The following OGFOD1 variants were observed in gnomAD, a reference collection of about 807,000 sequenced individuals.
OGFOD1 encodes the protein 2-oxoglutarate and iron dependent oxygenase domain containing 1.
In OGFOD1, 54 loss-of-function variants were observed where a neutral mutation model predicts 67.7. The observed-to-expected ratio is 0.80, with a 90% CI of 0.64 to 1.00. The LOEUF is 1.00. Among genes scored for constraint, OGFOD1 ranks in the 50% least tolerant of loss-of-function variants. The probability of loss-of-function intolerance (pLI) is 0.00; values close to 1 mark genes in which losing one functional copy is unlikely to be tolerated. For synonymous variants in OGFOD1, 221 were observed against 227.0 expected, an observed-to-expected ratio of 0.97 and a Z score of 0.24; for missense variants, 606 against 646.7, an observed-to-expected ratio of 0.94 and a Z score of 0.68.
At chr16:56,479,103 A>AAT (rs1963595378) in exon 13 of OGFOD1, 2 of 152,304 alleles carry the variant, frequency 1.3e-5, no homozygotes, top group Admixed American at 1.3e-4. Flanking sequence ...TCACCTGTAA[A>AAT]ATATATGGTT....
intron 7 of OGFOD1, among the ~76,000 whole-genome samples, 170 bp from the exon 8 acceptor site, chr16:56,467,730 ACTTTT>A (rs1567551370): frequency 6.6e-6 from 1 of 152,038 alleles, no homozygotes; most frequent in Non-Finnish European, 1.5e-5. Context: ...CCCGGCCTAC[ACTTTT>A]CTTAAGTAAA....
Position 56,478,291 on chromosome 16 carries a change from T to C in OGFOD1, c.*2086T>C, listed in dbSNP as rs1287303212. ...CTCCTGCCTCAGCCTCCTAAGTAGC[T>C]GGGATTACAGGCACCTGCCTCCATA... On this transcript the variant is annotated 3_prime_UTR_variant, in exon 13 of 13. Coordinates refer to ENST00000566157, the MANE Select transcript of OGFOD1 (RefSeq NM_018233.4). The C allele has an allele frequency of 2.6e-5, 4 of 152,222 alleles. No individual in the cohort carries two copies. Among genetic ancestry groups the C allele is most frequent in the East Asian group, 3.9e-4 (2 of 5,190 alleles). 9.4% of individuals were successfully genotyped at this position (152,222 alleles called of 1,614,324 possible). A position where few individuals can be genotyped will look rare whatever the true frequency, so the allele number is the denominator to read the frequency against.
intron 3 of OGFOD1, 95 bp from the exon 4 acceptor site, chr16:56,462,439 T>G: frequency 1.4e-6 from 1 of 712,748 alleles, no homozygotes; most frequent in Non-Finnish European, 2.6e-6. Context: ...TACAATGTGA[T>G]CTCCAGGAAA....
At chr16:56,467,846 A>G in intron 7 of OGFOD1, 59 bp from the exon 8 acceptor site, 1 of 835,074 alleles carries the variant, frequency 1.2e-6, no homozygotes, top group Admixed American at 1.7e-5. Context: ...GAAATGATGT[A>G]AGAGCAAAAG....
intron 12 of OGFOD1, 71 bp downstream of exon 12, chr16:56,475,636 T>G (rs1963435916): frequency 9.7e-6 from 12 of 1,240,474 alleles, no homozygotes; most frequent in Non-Finnish European, 1.4e-5. Context: ...AAGACCCAAT[T>G]TTTATGACCT....
chr16:56,475,757 T>C (rs558003652), intron 12 of OGFOD1, among the ~76,000 whole-genome samples, 192 bp downstream of exon 12: 2 of 152,330 alleles, frequency 1.3e-5, no homozygotes, highest in South Asian at 4.1e-4. Context: ...AAGCATTTAT[T>C]TTACCCTCCT....
rs1489509748 is a variant in OGFOD1, at chr16:56,461,869, G to T, written c.348-665G>T. Among the ~76,000 whole-genome samples, 6 of 152,238 alleles carry T rather than the reference G, an allele frequency of 3.9e-5. No homozygotes were observed. The East Asian group carries it at 1.2e-3, about 29-fold the overall frequency. ...CCAGCACTGGAGGCCGAGGCAGGCG[G>T]ATCACTTGAGGTCAGGAGTTGGAGA... On this transcript the variant is annotated intron_variant, in intron 3 of 12. Transcript: ENST00000566157.
intron 8 of OGFOD1, among the ~76,000 whole-genome samples, chr16:56,468,298 T>TAAC (rs768567770): frequency 1.6e-4 from 25 of 152,348 alleles, no homozygotes; most frequent in Non-Finnish European, 3.1e-4. Context: ...TTGTGTGTAG[T>TAAC]TACCTTTCTA....
At chr16:56,462,293 C>T (rs1198083810) in intron 3 of OGFOD1, among the ~76,000 whole-genome samples, 1 of 152,008 alleles carries the variant, frequency 6.6e-6, no homozygotes, top group East Asian at 1.9e-4. Context: ...ACCATTAGAA[C>T]AAAAAATAAC....
At chr16:56,464,123 A>G (rs1962817826) in intron 4 of OGFOD1, among the ~76,000 whole-genome samples, 1 of 152,194 alleles carries the variant, frequency 6.6e-6, no homozygotes, top group African/African-American at 2.4e-5. Flanking sequence ...TTGAAGATGT[A>G]CAGATGAGTT....
rs918784 is a variant in OGFOD1, at chr16:56,478,857, A to G, written c.*2652A>G. On this transcript the variant is annotated 3_prime_UTR_variant, in exon 13 of 13. Transcript: ENST00000566157. ...CAACTCTGATGTTGCTGTCAGTTAC[A>G]TCATCTACAGCAGCACCTCTTAGAT... 25,578 of 152,178 alleles carry G rather than the reference A, an allele frequency of 0.17. 2,319 individuals are homozygous for G. Among genetic ancestry groups the G allele is most frequent in the East Asian group, 0.27 (1,398 of 5,164 alleles). The allele number at this position is 152,178 out of a possible 1,614,324, so 9.4% of individuals were successfully genotyped here.
chr16:56,475,970 G>C (rs1190501212), intron 12 of OGFOD1, 74 bp from the exon 13 acceptor site: 2 of 1,323,518 alleles, frequency 1.5e-6, no homozygotes, highest in African/African-American at 2.9e-5. Flanking sequence ...GAAACCATCT[G>C]TTCCATGGTT....
At chr16:56,458,279 G>T in intron 2 of OGFOD1, 2 of 423,978 alleles carry the variant, frequency 4.7e-6, no homozygotes, top group Non-Finnish European at 8.6e-6. Flanking sequence ...TGCTTTTTGT[G>T]TCTGTTGTCT....
chr16:56,472,312 G>A (rs1167586027), intron 10 of OGFOD1, among the ~76,000 whole-genome samples: 4 of 151,980 alleles, frequency 2.6e-5, no homozygotes, highest in Non-Finnish European at 2.9e-5. Flanking sequence ...TCATTTTTAC[G>A]GGAACCTGCA....
At chr16:56,466,122 G>T in intron 4 of OGFOD1, 30 bp from the exon 5 acceptor site, 2 of 1,512,018 alleles carry the variant, frequency 1.3e-6, no homozygotes, top group South Asian at 2.2e-5. Flanking sequence ...CTATCTGCAG[G>T]GATCTAAGGT....
intron 3 of OGFOD1, among the ~76,000 whole-genome samples, chr16:56,459,886 T>G (rs755672191): frequency 1.3e-5 from 2 of 152,228 alleles, no homozygotes; most frequent in Non-Finnish European, 2.9e-5. Context: ...ACAGATTTTT[T>G]TTTAATAGTT....
chr16:56,474,866 TG>T lies in OGFOD1; in HGVS notation c.1326del (p.Trp442Ter). On this transcript the variant is annotated frameshift_variant, in exon 11 of 13. Transcript: ENST00000566157. LOFTEE classifies it high-confidence loss of function. ...VPMCQGELRH[W>X]KTGHYTLIHD... Reference sequence around the variant, plus strand: ...CATGTGCCAAGGGGAACTGAGGCATTGGAAGACCGGTCACTACACTTTAATT... The same window carrying T: ...CATGTGCCAAGGGGAACTGAGGCATTGAAGACCGGTCACTACACTTTAATT... 6.2e-7 allele frequency: 1 copy of T among 1,613,630 alleles called. No individual in the cohort carries two copies. The highest frequency in any genetic ancestry group is 8.5e-7 in the Non-Finnish European group (1 of 1,179,624).
intron 11 of OGFOD1, 64 bp downstream of exon 11, chr16:56,475,014 C>A: frequency 6.5e-7 from 1 of 1,541,104 alleles, no homozygotes; most frequent in Non-Finnish European, 8.9e-7. Context: ...TTCTGAGGGA[C>A]CCTTTCCAGC....
intron 10 of OGFOD1, among the ~76,000 whole-genome samples, 197 bp downstream of exon 10, chr16:56,470,988 T>C (rs1963145996): frequency 6.6e-6 from 1 of 152,098 alleles, no homozygotes. Context: ...AATGTATACA[T>C]GAACAACAAG....
Sources: gnomAD v4.1 joint callset for allele counts (sites outside exome capture counted in the v4.1 genomes callset) on GRCh38, gnomAD v4.1.1 for gene constraint, MANE v1.5 for transcripts, NCBI Gene and HGNC (gene_info 2026-07-23, HGNC 2026-07-21) for gene names.